CHCHD3: variants seen among roughly 807,000 people sequenced by gnomAD.
CHCHD3 encodes coiled-coil-helix-coiled-coil-helix domain containing 3.
Under a neutral mutation model 38.2 loss-of-function variants are expected in CHCHD3, and 20 were observed. That is an observed-to-expected ratio of 0.52 (90% CI 0.37 to 0.76). The LOEUF (loss-of-function observed/expected upper bound fraction) is 0.76. Ranked by LOEUF, CHCHD3 falls within the 30% of genes least tolerant of loss-of-function variation. The pLI is 0.00. For missense variants in CHCHD3, 245 were observed against 279.2 expected (o/e 0.88, Z 0.87); for synonymous variants, 82 against 100.0 (o/e 0.82, Z 1.07).
At chr7:132,807,203 G>C (rs904065300) in intron 6 of CHCHD3, among the ~76,000 whole-genome samples, 1 of 152,228 alleles carries the variant, frequency 6.6e-6, no homozygotes, top group Non-Finnish European at 1.5e-5. Flanking sequence ...AGGCCCCGCT[G>C]CCTGGCCCTG....
At chr7:132,867,358 C>A (rs930661571) in intron 5 of CHCHD3, among the ~76,000 whole-genome samples, 1 of 152,118 alleles carries the variant, frequency 6.6e-6, no homozygotes, top group African/African-American at 2.4e-5. Flanking sequence ...CCTTTTAAAA[C>A]CTTAAAGCCT....
intron 6 of CHCHD3, among the ~76,000 whole-genome samples, chr7:132,808,745 T>A (rs561853452): frequency 4.6e-5 from 7 of 152,064 alleles, no homozygotes; most frequent in Admixed American, 6.6e-5. Context: ...CCTTTTTTTT[T>A]TTATTATACT....
chr7:132,870,072 C>T (rs77468701), intron 5 of CHCHD3, among the ~76,000 whole-genome samples: 1,695 of 151,844 alleles, frequency 0.011, 36 homozygotes, highest in African/African-American at 0.036. Context: ...AAATAATGGC[C>T]GGGCACAGGG....
chr7:132,893,853 T>C (rs1809429572), intron 4 of CHCHD3, among the ~76,000 whole-genome samples: 1 of 152,216 alleles, frequency 6.6e-6, no homozygotes. Flanking sequence ...GTAAGGTTCC[T>C]GAGGCCTCCT....
chr7:133,053,029 T>C (rs909605571), intron 2 of CHCHD3, among the ~76,000 whole-genome samples: 1 of 152,252 alleles, frequency 6.6e-6, no homozygotes, highest in East Asian at 1.9e-4. Context: ...CAAGAAAGAC[T>C]AGTGGCTTTG....
At chr7:132,983,265 G>C (rs533357520) in intron 3 of CHCHD3, among the ~76,000 whole-genome samples, 2 of 152,306 alleles carry the variant, frequency 1.3e-5, no homozygotes, top group African/African-American at 4.8e-5. Context: ...AGAGGTTGCA[G>C]TGAGCTGAGA....
At chr7:133,011,575 T>C (rs1026411583) in intron 3 of CHCHD3, among the ~76,000 whole-genome samples, 9 of 152,118 alleles carry the variant, frequency 5.9e-5, no homozygotes, top group African/African-American at 1.9e-4. Flanking sequence ...TAGGACAACC[T>C]AAAAGGTCTC....
At chr7:132,833,314 A>G (rs1807694044) in intron 6 of CHCHD3, among the ~76,000 whole-genome samples, 1 of 152,188 alleles carries the variant, frequency 6.6e-6, no homozygotes, top group African/African-American at 2.4e-5. Flanking sequence ...TACATATAAG[A>G]AGAATGCTGG....
At chr7:132,891,626 C>A (rs955660765) in intron 4 of CHCHD3, among the ~76,000 whole-genome samples, 2 of 152,200 alleles carry the variant, frequency 1.3e-5, no homozygotes, top group African/African-American at 4.8e-5. Flanking sequence ...ATACTAATAA[C>A]ATACAGAAAA....
At chr7:132,785,909 A>T (rs1563234459) in intron 7 of CHCHD3, among the ~76,000 whole-genome samples, 1 of 152,198 alleles carries the variant, frequency 6.6e-6, no homozygotes, top group Non-Finnish European at 1.5e-5. Context: ...CGGGCGCAGT[A>T]GCTCACGCCT....
At chr7:132,883,826 G>A (rs79089873) in intron 5 of CHCHD3, among the ~76,000 whole-genome samples, 7,623 of 152,110 alleles carry the variant, frequency 0.05, 278 homozygotes, top group Non-Finnish European at 0.076. Flanking sequence ...AATGTCTTAA[G>A]TGTCCTGAGC....
intron 4 of CHCHD3, among the ~76,000 whole-genome samples, chr7:132,944,728 C>G (rs1237985041): frequency 6.6e-6 from 1 of 151,966 alleles, no homozygotes; most frequent in Non-Finnish European, 1.5e-5. Flanking sequence ...AATCAAACAG[C>G]AAGTATTAAC....
At chr7:132,839,079 C>A (rs192235525) in intron 5 of CHCHD3, among the ~76,000 whole-genome samples, 33 of 151,908 alleles carry the variant, frequency 2.2e-4, no homozygotes, top group Middle Eastern at 6.8e-3. Flanking sequence ...GTAATCCCAG[C>A]TAATCAGGAG....
At chr7:133,046,781 T>A (rs1223120556) in intron 2 of CHCHD3, among the ~76,000 whole-genome samples, 1 of 152,156 alleles carries the variant, frequency 6.6e-6, no homozygotes, top group Non-Finnish European at 1.5e-5. Flanking sequence ...GCCAGGATGG[T>A]CTCAATCTCC....
intron 3 of CHCHD3, among the ~76,000 whole-genome samples, chr7:133,007,613 C>A (rs150658486): frequency 6.6e-6 from 1 of 152,200 alleles, no homozygotes; most frequent in Non-Finnish European, 1.5e-5. Flanking sequence ...TTTAAAGACA[C>A]AAGGGTAGAG....
intron 5 of CHCHD3, among the ~76,000 whole-genome samples, chr7:132,880,894 C>G (rs1208061312): frequency 6.6e-6 from 1 of 152,156 alleles, no homozygotes; most frequent in African/African-American, 2.4e-5. Flanking sequence ...TCTTTGAAAG[C>G]TGTTCTCAAC....
intron 3 of CHCHD3, among the ~76,000 whole-genome samples, chr7:133,004,193 C>G (rs62465318): frequency 6.6e-6 from 1 of 151,950 alleles, no homozygotes; most frequent in Non-Finnish European, 1.5e-5. Context: ...AACTCCTGAC[C>G]TCAGGTGATC....
intron 5 of CHCHD3, among the ~76,000 whole-genome samples, chr7:132,857,182 CTTTCAAAGA>C (rs1808362312): frequency 6.6e-6 from 1 of 152,190 alleles, no homozygotes; most frequent in South Asian, 2.1e-4. Flanking sequence ...AAACAAAAGG[CTTTCAAAGA>C]TCCATTTCTA....
chr7:133,082,071 AAGG>A lies in CHCHD3; in HGVS notation c.-137_-135del. ...GAGCAAGGCCACGACCCCCAGAAGC[AAGG>A]AGAAGGCGCCGGTCCTGAGCTCCCG... On this transcript the variant is annotated 5_prime_UTR_variant, in exon 1 of 8. Coordinates refer to ENST00000262570, the MANE Select transcript of CHCHD3 (RefSeq NM_017812.4). The A allele has an allele frequency of 2.6e-6, 2 of 774,508 alleles. No individual in the cohort carries two copies. The highest frequency in any genetic ancestry group is 1.9e-5 in the South Asian group (1 of 52,944). The allele number at this position is 774,508 out of a possible 1,614,324, so 48.0% of individuals were successfully genotyped here.
Sources: allele counts gnomAD v4.1 joint callset (sites outside exome capture counted in the v4.1 genomes callset), GRCh38; gene constraint gnomAD v4.1.1; transcripts MANE v1.5; gene names NCBI Gene and HGNC (gene_info 2026-07-23, HGNC 2026-07-21).